The following ITSN1 variants were observed in gnomAD, a reference collection of about 807,000 sequenced individuals.
ITSN1 encodes intersectin 1.
ITSN1 carries 58 observed loss-of-function variants against 239.8 expected under a neutral mutation model. The observed-to-expected ratio is 0.24, with a 90% CI of 0.20 to 0.30. ITSN1 has a LOEUF of 0.30. ITSN1 is among the 10% of genes least tolerant of loss of function. The pLI, the probability that ITSN1 is intolerant of heterozygous loss-of-function variation, is 1.00. For synonymous variants in ITSN1, 780 were observed against 770.8 expected, an observed-to-expected ratio of 1.01 and a Z score of -0.20; for missense variants, 1,558 against 2,103.3, an observed-to-expected ratio of 0.74 and a Z score of 5.07.
In ITSN1 at chr21:33,772,300, A is replaced by G. The variant is rs1226317955; in HGVS notation, c.1282A>G (p.Arg428Gly). 1.9e-6 allele frequency: 3 copies of G among 1,557,510 alleles called. No individual in the cohort carries two copies. The highest frequency in any genetic ancestry group is 2.6e-6 in the Non-Finnish European group (3 of 1,150,226). Residue 428 changes from arginine (R) to glycine (G), a missense_variant, in exon 12 of 40, where the codon AGG (arginine) becomes GGG (glycine). By Grantham distance (125) the Arg-to-Gly change is moderately radical. Transcript: ENST00000381318. ...AGAACGGCAGAGAGAGGAGGAGAGG[A>G]GGAAAGAAATTGAGAGGCGAGAGGT... ...ELERQREEER[R>G]KEIERREAAK...
chr21:33,775,132 G>A (rs2069500268), intron 14 of ITSN1, 24 bp downstream of exon 14: 1 of 1,595,768 alleles, frequency 6.3e-7, no homozygotes, highest in East Asian at 2.2e-5. Flanking sequence ...CCTCTTAAAA[G>A]CTATTATATT....
intron 30 of ITSN1, among the ~76,000 whole-genome samples, 170 bp downstream of exon 30, chr21:33,857,027 C>G (rs144449228): frequency 6.6e-6 from 1 of 152,184 alleles, no homozygotes; most frequent in Non-Finnish European, 1.5e-5. Context: ...AGAGACGGTT[C>G]GTTGCTTATC....
intron 5 of ITSN1, among the ~76,000 whole-genome samples, chr21:33,735,971 G>A (rs909892961): frequency 6.6e-6 from 1 of 152,236 alleles, no homozygotes; most frequent in Non-Finnish European, 1.5e-5. Context: ...ACTCCAGCCT[G>A]TGCGACAGAG....
At chr21:33,782,233 A>G (rs1381440650) in intron 16 of ITSN1, 100 bp downstream of exon 16, 4 of 1,155,050 alleles carry the variant, frequency 3.5e-6, no homozygotes, top group Non-Finnish European at 3.8e-6. Context: ...AAAATTTATT[A>G]TGCCATTGTG....
chr21:33,871,625 C>T (rs1161944811), intron 33 of ITSN1, among the ~76,000 whole-genome samples: 2 of 151,828 alleles, frequency 1.3e-5, no homozygotes, highest in Non-Finnish European at 2.9e-5. Context: ...CCTGTAGTCC[C>T]AGCTACTCAG....
At chr21:33,859,797 G>T (rs563516962) in intron 31 of ITSN1, among the ~76,000 whole-genome samples, 1 of 152,196 alleles carries the variant, frequency 6.6e-6, no homozygotes, top group Non-Finnish European at 1.5e-5. Flanking sequence ...AATGTCTGCT[G>T]GCTTGGTGCT....
chr21:33,841,782 T>C (rs748144941), intron 29 of ITSN1, among the ~76,000 whole-genome samples: 6 of 152,196 alleles, frequency 3.9e-5, no homozygotes, highest in Non-Finnish European at 7.3e-5. Flanking sequence ...GGAAATGACA[T>C]TGGATGCCAA....
At chr21:33,770,852 C>T (rs946355381) in intron 11 of ITSN1, among the ~76,000 whole-genome samples, 1 of 151,526 alleles carries the variant, frequency 6.6e-6, no homozygotes, top group Admixed American at 6.6e-5. Flanking sequence ...CAACCTCTGC[C>T]TCTCAGCTTT....
At chr21:33,703,906 G>T (rs963195024) in intron 1 of ITSN1, among the ~76,000 whole-genome samples, 1 of 152,168 alleles carries the variant, frequency 6.6e-6, no homozygotes, top group African/African-American at 2.4e-5. Context: ...CGGGCCCTTA[G>T]CCCTGAGGTG....
chr21:33,851,730 TTTC>T (rs1335535813), intron 29 of ITSN1, among the ~76,000 whole-genome samples: 8 of 148,328 alleles, frequency 5.4e-5, no homozygotes, highest in African/African-American at 1.0e-4. Flanking sequence ...GCTATTTTAA[TTTC>T]TTTTTTTTTT....
chr21:33,734,715 A>C (rs912859335), intron 4 of ITSN1, among the ~76,000 whole-genome samples: 1 of 152,224 alleles, frequency 6.6e-6, no homozygotes, highest in Non-Finnish European at 1.5e-5. Flanking sequence ...GTTTATTCAC[A>C]GAGTTGTGCG....
intron 30 of ITSN1, among the ~76,000 whole-genome samples, chr21:33,858,133 T>C (rs140082816): frequency 0.021 from 3,174 of 152,150 alleles, 55 homozygotes; most frequent in Non-Finnish European, 0.032. Context: ...ACTCACCCCC[T>C]TGTAGCGGGC....
intron 19 of ITSN1, 72 bp from the exon 20 acceptor site, chr21:33,802,358 T>A (rs771213649): frequency 3.4e-6 from 5 of 1,455,490 alleles, no homozygotes; most frequent in Non-Finnish European, 4.8e-6. Flanking sequence ...AGTTTAGATA[T>A]GCTGTAAGAA....
chr21:33,886,885 C>A (rs1311511730), intron 39 of ITSN1, among the ~76,000 whole-genome samples: 1 of 152,128 alleles, frequency 6.6e-6, no homozygotes, highest in Non-Finnish European at 1.5e-5. Flanking sequence ...CATTTTTGTA[C>A]CACTTATTAA....
At chr21:33,827,689 G>A (rs1404706627) in intron 26 of ITSN1, among the ~76,000 whole-genome samples, 2 of 152,156 alleles carry the variant, frequency 1.3e-5, no homozygotes, top group Non-Finnish European at 2.9e-5. Flanking sequence ...AAGTGTTTTA[G>A]TTTATTTCAG....
chr21:33,781,134 C>T (rs754715017), intron 14 of ITSN1, among the ~76,000 whole-genome samples: 7 of 152,038 alleles, frequency 4.6e-5, no homozygotes, highest in Non-Finnish European at 1.5e-5. Flanking sequence ...CATTTGATCC[C>T]GGTGCCATTG....
intron 29 of ITSN1, among the ~76,000 whole-genome samples, chr21:33,843,547 A>C (rs2074896945): frequency 1.3e-5 from 2 of 152,238 alleles, no homozygotes. Flanking sequence ...GGCCTCCAGA[A>C]AAACATGGTG....
rs7275927 is a variant in ITSN1, at chr21:33,889,167, C to T, written c.*867C>T. Reference sequence around the variant, plus strand: ...GAAAAATCTCTTTTGGCTCGGAGGCCTGTGATATTTCATAGCAGCAGTCGT... The same window carrying T: ...GAAAAATCTCTTTTGGCTCGGAGGCTTGTGATATTTCATAGCAGCAGTCGT... On this transcript the variant is annotated 3_prime_UTR_variant, in exon 40 of 40. Transcript: ENST00000381318. 0.079 allele frequency: 11,998 copies of T among 151,994 alleles called. 1,543 individuals are homozygous for T. Among genetic ancestry groups the T allele is most frequent in the African/African-American group, 0.27 (11,285 of 41,378 alleles). 9.4% of individuals were successfully genotyped at this position (151,994 alleles called of 1,614,324 possible).
At chr21:33,673,261 G>A (rs769830930) in intron 1 of ITSN1, among the ~76,000 whole-genome samples, 1 of 152,204 alleles carries the variant, frequency 6.6e-6, no homozygotes, top group East Asian at 1.9e-4. Context: ...GGAAGGGGAA[G>A]TGGGAGATGT....
Sources: gnomAD v4.1 joint callset for allele counts (sites outside exome capture counted in the v4.1 genomes callset) on GRCh38, gnomAD v4.1.1 for gene constraint, MANE v1.5 for transcripts, NCBI Gene and HGNC (gene_info 2026-07-23, HGNC 2026-07-21) for gene names.